The following GPCPD1 variants were observed in gnomAD, a reference collection of about 807,000 sequenced individuals.
GPCPD1 encodes glycerophosphocholine phosphodiesterase 1, also known as glycerophosphocholine phosphodiesterase GPCPD1.
In GPCPD1, 29 loss-of-function variants were observed where a neutral mutation model predicts 89.2. The observed-to-expected ratio is 0.33, with a 90% CI of 0.24 to 0.44. The LOEUF is 0.44. Ranked by LOEUF, GPCPD1 falls within the 20% of genes least tolerant of loss-of-function variation. The pLI is 1.00. For synonymous variants in GPCPD1, 258 were observed against 266.3 expected, an observed-to-expected ratio of 0.97 and a Z score of 0.30; for missense variants, 594 against 808.9, an observed-to-expected ratio of 0.73 and a Z score of 3.22.
intron 1 of GPCPD1, among the ~76,000 whole-genome samples, chr20:5,607,726 G>A (rs1359067270): frequency 6.6e-6 from 1 of 151,920 alleles, no homozygotes; most frequent in Non-Finnish European, 1.5e-5. Context: ...TGGGAGGCAT[G>A]AGAATCACTT....
At chr20:5,603,991 CCCG>C (rs1340621006) in intron 2 of GPCPD1, among the ~76,000 whole-genome samples, 1 of 152,198 alleles carries the variant, frequency 6.6e-6, no homozygotes, top group African/African-American at 2.4e-5. Flanking sequence ...AAGTGATCTA[CCCG>C]CCTCAGCCTC....
chr20:5,607,858 G>T (rs1037674333), intron 1 of GPCPD1, among the ~76,000 whole-genome samples: 4 of 150,016 alleles, frequency 2.7e-5, no homozygotes, highest in Non-Finnish European at 5.9e-5. Context: ...TTAAATTACT[G>T]AATTAATTTT....
intron 11 of GPCPD1, among the ~76,000 whole-genome samples, chr20:5,573,192 G>C (rs775293888): frequency 2.0e-5 from 3 of 151,100 alleles, no homozygotes; most frequent in Non-Finnish European, 4.4e-5. Context: ...AGCAATTCTT[G>C]AATTGCCTCA....
intron 3 of GPCPD1, among the ~76,000 whole-genome samples, chr20:5,595,964 G>A (rs191946971): frequency 5.9e-5 from 9 of 152,222 alleles, no homozygotes; most frequent in South Asian, 2.1e-4. Flanking sequence ...CCAGGAGCAG[G>A]ATCTAGGTAT....
intron 1 of GPCPD1, among the ~76,000 whole-genome samples, chr20:5,608,263 G>C (rs576625042): frequency 6.6e-6 from 1 of 152,258 alleles, no homozygotes; most frequent in South Asian, 2.1e-4. Context: ...AACAGCTGCA[G>C]TAAATGTACT....
At position 5,593,058 on chromosome 20, in the gene GPCPD1, C is replaced by T. The variant is rs531631027; in HGVS notation, c.231+269G>A. Reference sequence around the variant, plus strand: ...TTCCTAACTAGTTTACAAAAGTTACCGAAAATGCACACTTACAGAGAACAC... The same window carrying T: ...TTCCTAACTAGTTTACAAAAGTTACTGAAAATGCACACTTACAGAGAACAC... On this transcript the variant is annotated intron_variant, in intron 4 of 19. Coordinates refer to ENST00000379019, the MANE Select transcript of GPCPD1 (RefSeq NM_019593.5). Among the ~76,000 whole-genome samples, 73 of 152,158 alleles carry T rather than the reference C, an allele frequency of 4.8e-4. 2 individuals carry two copies. In the South Asian group the frequency reaches 0.013, roughly 27 times the overall value.
intron 3 of GPCPD1, among the ~76,000 whole-genome samples, chr20:5,596,137 T>C (rs1024819356): frequency 2.6e-5 from 4 of 152,086 alleles, no homozygotes; most frequent in Non-Finnish European, 5.9e-5. Flanking sequence ...CCAGGCATAG[T>C]GGCTTATACC....
intron 4 of GPCPD1, among the ~76,000 whole-genome samples, chr20:5,589,103 T>C (rs921878610): frequency 6.6e-6 from 1 of 152,094 alleles, no homozygotes; most frequent in Non-Finnish European, 1.5e-5. Context: ...TTGAATAGAA[T>C]AGCATATTTG....
At chr20:5,601,365 T>C (rs1980133685) in intron 2 of GPCPD1, among the ~76,000 whole-genome samples, 1 of 48,380 alleles carries the variant, frequency 2.1e-5, no homozygotes, top group Non-Finnish European at 4.2e-5. Flanking sequence ...GTTAATCTTT[T>C]TTTTTTTTTT....
chr20:5,569,234 C>T (rs1360571916), intron 12 of GPCPD1, among the ~76,000 whole-genome samples: 1 of 151,994 alleles, frequency 6.6e-6, no homozygotes, highest in Non-Finnish European at 1.5e-5. Context: ...TTAAAATTCA[C>T]CAGCAGGTGG....
intron 4 of GPCPD1, among the ~76,000 whole-genome samples, chr20:5,586,598 A>C (rs113573525): frequency 4.6e-5 from 7 of 152,320 alleles, no homozygotes; most frequent in African/African-American, 1.7e-4. Context: ...TCTTAAGATA[A>C]ATATCATATA....
chr20:5,587,557 G>C (rs923557954), intron 4 of GPCPD1, among the ~76,000 whole-genome samples: 1 of 151,920 alleles, frequency 6.6e-6, no homozygotes, highest in Non-Finnish European at 1.5e-5. Flanking sequence ...TAGTAGAGAT[G>C]GGGCTTCACC....
chr20:5,549,479 TAAG>T lies in GPCPD1; in HGVS notation c.1830-1632_1830-1630del, dbSNP rs762208889. On this transcript the variant is annotated intron_variant, in intron 19 of 19. Coordinates refer to ENST00000379019, the MANE Select transcript of GPCPD1 (RefSeq NM_019593.5). Reference sequence around the variant, plus strand: ...CACCACTAAAAATAGGTTTGTTGTTTAAGAAGACACCTTCTGAGTATTCTTCTG... The same window carrying T: ...CACCACTAAAAATAGGTTTGTTGTTTAAGACACCTTCTGAGTATTCTTCTG... The T allele has an allele frequency of 1.2e-4, 149 of 1,205,510 alleles. No individual in the cohort carries two copies. The African/African-American group carries it at 1.7e-3, about 14-fold the overall frequency. 74.7% of individuals were successfully genotyped at this position (1,205,510 alleles called of 1,614,324 possible).
At chr20:5,605,575 T>C (rs1980525566) in intron 1 of GPCPD1, among the ~76,000 whole-genome samples, 1 of 152,002 alleles carries the variant, frequency 6.6e-6, no homozygotes, top group Non-Finnish European at 1.5e-5. Flanking sequence ...GGTCAGGAGT[T>C]CAAGACCAGC....
intron 1 of GPCPD1, among the ~76,000 whole-genome samples, chr20:5,607,218 C>G (rs1980646060): frequency 6.6e-6 from 1 of 151,964 alleles, no homozygotes; most frequent in African/African-American, 2.4e-5. Context: ...ACCTGGGAGG[C>G]AGAAGTTGCA....
intron 2 of GPCPD1, among the ~76,000 whole-genome samples, chr20:5,602,519 T>C (rs1280466149): frequency 6.6e-6 from 1 of 152,240 alleles, no homozygotes; most frequent in Non-Finnish European, 1.5e-5. Flanking sequence ...GCTAAGAATT[T>C]GAACTTAGAC....
intron 12 of GPCPD1, among the ~76,000 whole-genome samples, chr20:5,569,262 C>T (rs1986572678): frequency 1.3e-5 from 2 of 152,102 alleles, no homozygotes; most frequent in African/African-American, 2.4e-5. Context: ...GTCTTTGTCA[C>T]ACTCTTTAAT....
At chr20:5,604,521 G>T in intron 1 of GPCPD1, 81 bp from the exon 2 acceptor site, 1 of 553,974 alleles carries the variant, frequency 1.8e-6, no homozygotes, top group Non-Finnish European at 3.2e-6. Flanking sequence ...CTTCAACCAA[G>T]AGCTATTTAT....
intron 3 of GPCPD1, among the ~76,000 whole-genome samples, 198 bp downstream of exon 3, chr20:5,598,527 G>T (rs1229422602): frequency 6.6e-6 from 1 of 151,554 alleles, no homozygotes; most frequent in Non-Finnish European, 1.5e-5. Context: ...GTGGTTGAGA[G>T]GCAGGGATTA....
Sources: gnomAD v4.1 joint callset for allele counts (sites outside exome capture counted in the v4.1 genomes callset) on GRCh38, gnomAD v4.1.1 for gene constraint, MANE v1.5 for transcripts, NCBI Gene and HGNC (gene_info 2026-07-23, HGNC 2026-07-21) for gene names.